The following SLC4A7 variants were observed in gnomAD, a reference collection of about 807,000 sequenced individuals.
The protein encoded by SLC4A7 is sodium bicarbonate cotransporter 3.
Under a neutral mutation model 137.6 loss-of-function variants are expected in SLC4A7, and 51 were observed. The ratio of observed to expected loss-of-function variants is 0.37; its 90% confidence interval spans 0.30 to 0.47. The LOEUF is 0.47. Among genes scored for constraint, SLC4A7 ranks in the 20% least tolerant of loss-of-function variants. SLC4A7 has a pLI of 1.00. For synonymous variants in SLC4A7, 542 were observed against 518.6 expected (o/e 1.05, Z -0.61); for missense variants, 1,247 against 1,525.4 (o/e 0.82, Z 3.04).
At chr3:27,468,181 G>A (rs542180691) in intron 1 of SLC4A7, among the ~76,000 whole-genome samples, 2 of 152,072 alleles carry the variant, frequency 1.3e-5, no homozygotes, top group South Asian at 2.1e-4. Flanking sequence ...CGCCCGCCTC[G>A]GCCTCCCACA....
chr3:27,450,020 T>C (rs2057959190), intron 2 of SLC4A7, among the ~76,000 whole-genome samples: 1 of 152,194 alleles, frequency 6.6e-6, no homozygotes, highest in Non-Finnish European at 1.5e-5. Context: ...GGAGATTTCA[T>C]GCCATTTTTC....
intron 2 of SLC4A7, among the ~76,000 whole-genome samples, chr3:27,451,875 C>T (rs978874017): frequency 2.0e-5 from 3 of 152,060 alleles, no homozygotes; most frequent in African/African-American, 7.2e-5. Context: ...TATGGAGGAA[C>T]TATGTGCTGT....
rs2056282039 is a variant in SLC4A7, at chr3:27,431,488, A to T, written c.960T>A (p.Pro320=). ...TPVPTPQNSP[P]SSPSISRLTS... ...TCAGGCGGCTGATGCTAGGGCTAGA[A>T]GGAGGACTGTTTTGAGGGGTGGGTA... is the stretch of plus-strand genomic sequence containing the variant. The change falls in exon 7 of 26, where the codon CCT becomes CCA. Residue 320 remains proline (P), a synonymous_variant. Transcript: ENST00000454389. The T allele has an allele frequency of 6.2e-7, 1 of 1,613,458 alleles. No individual in the cohort carries two copies. The highest frequency in any genetic ancestry group is 8.5e-7 in the Non-Finnish European group (1 of 1,179,572).
intron 2 of SLC4A7, among the ~76,000 whole-genome samples, chr3:27,450,340 G>A (rs2057985259): frequency 6.6e-6 from 1 of 152,082 alleles, no homozygotes; most frequent in South Asian, 2.1e-4. Flanking sequence ...TGGAATTATA[G>A]ATATGTTTCG....
chr3:27,413,556 A>G (rs997772397), intron 11 of SLC4A7, among the ~76,000 whole-genome samples: 4 of 152,178 alleles, frequency 2.6e-5, no homozygotes, highest in African/African-American at 9.6e-5. Flanking sequence ...GAATTCTTTC[A>G]TATTCAAAAA....
At chr3:27,442,697 G>A (rs1408232629) in intron 3 of SLC4A7, among the ~76,000 whole-genome samples, 1 of 152,100 alleles carries the variant, frequency 6.6e-6, no homozygotes, top group Non-Finnish European at 1.5e-5. Flanking sequence ...AGACAAAACC[G>A]GGTTCTGGTC....
At chr3:27,477,546 C>A (rs968947397) in intron 1 of SLC4A7, among the ~76,000 whole-genome samples, 1 of 152,132 alleles carries the variant, frequency 6.6e-6, no homozygotes, top group African/African-American at 2.4e-5. Flanking sequence ...GGCAATACCA[C>A]GTAATATTAA....
intron 9 of SLC4A7, 126 bp downstream of exon 9, chr3:27,421,496 A>C (rs2054975737): frequency 1.2e-6 from 1 of 828,456 alleles, no homozygotes; most frequent in South Asian, 2.5e-5. Flanking sequence ...ATTGTCTCAA[A>C]AATAAGATAA....
At chr3:27,413,891 A>G (rs148041759) in intron 11 of SLC4A7, among the ~76,000 whole-genome samples, 46 of 151,946 alleles carry the variant, frequency 3.0e-4, no homozygotes, top group African/African-American at 1.1e-3. Context: ...TACATGTATA[A>G]GATTTAGAAA....
At position 27,390,279 on chromosome 3, in the gene SLC4A7, T is replaced by TG. The variant is rs2051401157; in HGVS notation, c.3187-176dup. ...TCTCTGGATCCAAAGTGGGGTCGGG[T>TG]GGGGGAGGGTGGCAGGTGGGAACCA... On this transcript the variant is annotated intron_variant, in intron 21 of 25. Transcript: ENST00000454389. The TG allele has an allele frequency of 6.8e-5, 10 of 147,572 alleles. No homozygotes were observed. In the Admixed American group the frequency reaches 7.8e-4, roughly 12 times the overall value. The allele number at this position is 147,572 out of a possible 1,614,324, so 9.1% of individuals were successfully genotyped here.
In SLC4A7 at chr3:27,431,614, G is replaced by A. The variant is rs2056300637; in HGVS notation, c.834C>T (p.Asn278=). ...AAGGTGATTCTCCTCTCAAGGAAAG[G>A]TTTGAGGCAGACAGACCTGTTCGCA... ...HSLRTGLSAS[N]LSLRGESPLS... is the part of the protein sequence containing the mutation. Residue 278 remains asparagine (N), a synonymous_variant, in exon 7 of 26, where the codon AAC becomes AAT. Coordinates refer to ENST00000454389, the MANE Select transcript of SLC4A7 (RefSeq NM_001321103.2). 1 of 1,613,516 alleles carries A rather than the reference G, an allele frequency of 6.2e-7. No individual in the cohort carries two copies. Among genetic ancestry groups the A allele is most frequent in the South Asian group, 1.1e-5 (1 of 90,918 alleles).
chr3:27,418,871 AT>A (rs1340614952), intron 10 of SLC4A7, among the ~76,000 whole-genome samples: 1 of 152,194 alleles, frequency 6.6e-6, no homozygotes, highest in African/African-American at 2.4e-5. Context: ...AGACAGAACA[AT>A]TTTTTAAAAA....
In SLC4A7 at chr3:27,431,112, G is replaced by A. The variant is rs1253101839; in HGVS notation, c.1150+186C>T. 4.0e-5 allele frequency among the ~76,000 whole-genome samples: 6 copies of A among 151,876 alleles called. No individual in the cohort carries two copies. In the East Asian group the frequency reaches 5.8e-4, roughly 15 times the overall value. On this transcript the variant is annotated intron_variant, in intron 7 of 25. Coordinates refer to ENST00000454389, the MANE Select transcript of SLC4A7 (RefSeq NM_001321103.2). ...GAAAGTAAAGCAAACTTTCAACGGC[G>A]AAAACCGCAATTACTTTTGCACCAA...
At chr3:27,460,237 T>C (rs2058625382) in intron 1 of SLC4A7, among the ~76,000 whole-genome samples, 1 of 151,994 alleles carries the variant, frequency 6.6e-6, no homozygotes. Context: ...TTTCTCCATG[T>C]TGGCTAGGCT....
In SLC4A7 at chr3:27,373,822, G is replaced by A. The variant is rs2049723322; in HGVS notation, c.*2942C>T. On this transcript the variant is annotated 3_prime_UTR_variant, in exon 26 of 26. Coordinates refer to ENST00000454389, the MANE Select transcript of SLC4A7 (RefSeq NM_001321103.2). ...TAATTTTGAGTGGTAAACAAATCTGGTTTACAAATACATGCATTAGCACAT... is the reference window on the plus strand; with the variant it reads ...TAATTTTGAGTGGTAAACAAATCTGATTTACAAATACATGCATTAGCACAT... 6.6e-6 allele frequency: 1 copy of A among 152,496 alleles called. No individual in the cohort carries two copies. Among genetic ancestry groups the A allele is most frequent in the African/African-American group, 2.4e-5 (1 of 41,426 alleles). 9.4% of individuals were successfully genotyped at this position (152,496 alleles called of 1,614,324 possible).
At chr3:27,409,085 C>T (rs904737167) in intron 13 of SLC4A7, among the ~76,000 whole-genome samples, 3 of 152,098 alleles carry the variant, frequency 2.0e-5, no homozygotes, top group African/African-American at 7.2e-5. Context: ...AAAGACAATC[C>T]AAGCCTTTTA....
chr3:27,434,982 A>C (rs2056620588), intron 5 of SLC4A7, among the ~76,000 whole-genome samples: 1 of 152,178 alleles, frequency 6.6e-6, no homozygotes, highest in South Asian at 2.1e-4. Flanking sequence ...CAAAGTCTGA[A>C]ACCCATATGT....
chr3:27,453,667 G>A lies in SLC4A7; in HGVS notation c.61-1169C>T, dbSNP rs186011021. ...AATTGTTGCTGCTATGGAAACCCTC[G>A]GTGTCCAAATTCTCAGTAAGTAAAC... On this transcript the variant is annotated intron_variant, in intron 1 of 25. Transcript: ENST00000454389. Among the ~76,000 whole-genome samples the A allele has an allele frequency of 5.1e-3, 769 of 152,138 alleles. 13 individuals are homozygous for A. Among genetic ancestry groups the A allele is most frequent in the Non-Finnish European group, 5.1e-3 (347 of 68,008 alleles).
chr3:27,400,278 C>A (rs1324350201), intron 16 of SLC4A7, among the ~76,000 whole-genome samples: 2 of 152,068 alleles, frequency 1.3e-5, no homozygotes, highest in Non-Finnish European at 2.9e-5. Flanking sequence ...CCTTAATGTT[C>A]GACCCAGACT....
Sources: allele counts gnomAD v4.1 joint callset (sites outside exome capture counted in the v4.1 genomes callset), GRCh38; gene constraint gnomAD v4.1.1; transcripts MANE v1.5; gene names NCBI Gene and HGNC (gene_info 2026-07-23, HGNC 2026-07-21).